MDGA1: variants seen among roughly 807,000 people sequenced by gnomAD.
MDGA1 encodes MAM domain containing glycosylphosphatidylinositol anchor 1.
A neutral mutation model predicts 101.5 loss-of-function variants in MDGA1; 54 were observed. The observed-to-expected ratio is 0.53, with a 90% confidence interval of 0.43 to 0.67. The LOEUF (loss-of-function observed/expected upper bound fraction) is 0.67, where lower values mean the gene tolerates loss of function less well. Ranked by LOEUF, MDGA1 falls within the 30% of genes least tolerant of loss-of-function variation. The probability of loss-of-function intolerance (pLI) is 0.00; values close to 1 mark genes in which losing one functional copy is unlikely to be tolerated. For missense variants in MDGA1, 1,083 were observed against 1,323.8 expected, an observed-to-expected ratio of 0.82 and a Z score of 2.82; for synonymous variants, 533 against 558.3, an observed-to-expected ratio of 0.95 and a Z score of 0.64.
intron 1 of MDGA1, among the ~76,000 whole-genome samples, chr6:37,690,032 C>T (rs1762276273): frequency 6.6e-6 from 1 of 152,228 alleles, no homozygotes; most frequent in South Asian, 2.1e-4. Context: ...CTTCAAGGCT[C>T]CAAATGATTG....
At chr6:37,664,840 A>AAG (rs773904439) in intron 1 of MDGA1, among the ~76,000 whole-genome samples, 3 of 53,130 alleles carry the variant, frequency 5.6e-5, no homozygotes, top group African/African-American at 8.1e-5. Flanking sequence ...AGCCTAACCT[A>AAG]AGACACACAC....
intron 1 of MDGA1, among the ~76,000 whole-genome samples, chr6:37,692,820 C>T (rs1182789522): frequency 6.6e-6 from 1 of 152,174 alleles, no homozygotes; most frequent in Non-Finnish European, 1.5e-5. Context: ...CCTGCCCACC[C>T]CCTCAAGGAT....
chr6:37,663,732 C>G (rs142033409), intron 2 of MDGA1, among the ~76,000 whole-genome samples: 3 of 152,150 alleles, frequency 2.0e-5, no homozygotes, highest in Non-Finnish European at 2.9e-5. Context: ...ATTGAACAAC[C>G]GGCATTCCAT....
chr6:37,696,714 A>G lies in MDGA1; in HGVS notation c.67+31T>C. The G allele has an allele frequency of 6.4e-7, 1 of 1,559,512 alleles. No individual in the cohort carries two copies. On this transcript the variant is annotated intron_variant, in intron 1 of 16. Transcript: ENST00000434837. This position sits in a 1 kb window ranked among gnomAD's most constrained non-coding sequence, Gnocchi z 5.6. ...CTTGCAAAGTTTCCGCGCGAGGTTA[A>G]GCCAAGGTGGAGCGGGACGCGGGCT...
intron 1 of MDGA1, among the ~76,000 whole-genome samples, chr6:37,690,251 C>T (rs915094911): frequency 5.9e-5 from 9 of 152,232 alleles, no homozygotes; most frequent in Admixed American, 2.6e-4. Flanking sequence ...CTCTCCAGCA[C>T]GGCCTCCTCC....
intron 1 of MDGA1, among the ~76,000 whole-genome samples, chr6:37,668,005 C>T (rs1046872006): frequency 1.3e-5 from 2 of 152,154 alleles, no homozygotes; most frequent in Non-Finnish European, 2.9e-5. Context: ...AATCCCAGCA[C>T]TTTGGGAGGC....
At chr6:37,645,492 T>G (rs1761169947) in intron 12 of MDGA1, among the ~76,000 whole-genome samples, 1 of 152,072 alleles carries the variant, frequency 6.6e-6, no homozygotes, top group Admixed American at 6.6e-5. Flanking sequence ...GCCGAGACTG[T>G]GCTACTACCC....
At position 37,666,394 on chromosome 6, in the gene MDGA1, T is replaced by G. The variant is rs537873827; in HGVS notation, c.68-2288A>C. 4.7e-5 allele frequency among the ~76,000 whole-genome samples: 7 copies of G among 147,688 alleles called. No homozygotes were observed. The East Asian group carries it at 5.9e-4, about 13-fold the overall frequency. ...AAAAAAGAAAAGAAAAAAAAAGAAA[T>G]AAAGTTGTCTTCTCTGAATTTATAA... On this transcript the variant is annotated intron_variant, in intron 1 of 16. Transcript: ENST00000434837.
intron 12 of MDGA1, 73 bp from the exon 13 acceptor site, chr6:37,644,722 C>T: frequency 2.9e-6 from 4 of 1,380,874 alleles, no homozygotes; most frequent in Non-Finnish European, 3.8e-6. Context: ...GCCCCTCTCA[C>T]CCCCCAGAGG....
chr6:37,697,040 C>T lies in MDGA1; in HGVS notation c.-229G>A, dbSNP rs1031209097. On this transcript the variant is annotated 5_prime_UTR_variant, in exon 1 of 17. Coordinates refer to ENST00000434837, the MANE Select transcript of MDGA1 (RefSeq NM_153487.4). ...GGGACGCAGGGGGCGCTGGCCCAGCCCCGGGTGCCTCGGCGCGCCCGGCAC... is the reference window on the plus strand; with the variant it reads ...GGGACGCAGGGGGCGCTGGCCCAGCTCCGGGTGCCTCGGCGCGCCCGGCAC... 1.6e-5 allele frequency: 7 copies of T among 438,708 alleles called. No individual in the cohort carries two copies. The Admixed American group carries it at 1.7e-4, about 11-fold the overall frequency. The allele number at this position is 438,708 out of a possible 1,614,324, so 27.2% of individuals were successfully genotyped here. A position where few individuals can be genotyped will look rare whatever the true frequency, so the allele number is the denominator to read the frequency against.
At chr6:37,644,727 C>G (rs947454864) in intron 12 of MDGA1, 78 bp from the exon 13 acceptor site, 32 of 1,365,470 alleles carry the variant, frequency 2.3e-5, no homozygotes, top group Non-Finnish European at 1.7e-5. Context: ...TCTCACCCCC[C>G]AGAGGCAGCT....
chr6:37,666,383 A>T (rs952797180), intron 1 of MDGA1, among the ~76,000 whole-genome samples: 11 of 151,976 alleles, frequency 7.2e-5, no homozygotes, highest in African/African-American at 2.7e-4. Context: ...AAGAAAAGAA[A>T]AAAAAAGAAA....
At chr6:37,678,408 T>G (rs893918248) in intron 1 of MDGA1, among the ~76,000 whole-genome samples, 1 of 152,114 alleles carries the variant, frequency 6.6e-6, no homozygotes, top group Admixed American at 6.5e-5. Flanking sequence ...AGCCTCCTGA[T>G]AGGTCTTCCC....
chr6:37,673,279 C>A (rs538686888), intron 1 of MDGA1, among the ~76,000 whole-genome samples: 11 of 152,228 alleles, frequency 7.2e-5, no homozygotes, highest in Non-Finnish European at 1.6e-4. Flanking sequence ...TGTGCAGCAT[C>A]CTCAGAAACC....
At position 37,634,933 on chromosome 6, in the gene MDGA1, A is replaced by G. The variant is rs1561835969; in HGVS notation, c.*2435T>C. The G allele has an allele frequency of 6.6e-6, 1 of 152,460 alleles. No homozygotes were observed. The highest frequency in any genetic ancestry group is 1.9e-4 in the East Asian group (1 of 5,188). 9.4% of individuals were successfully genotyped at this position (152,460 alleles called of 1,614,324 possible). A position where few individuals can be genotyped will look rare whatever the true frequency, so the allele number is the denominator to read the frequency against. ...TCGGAGCAGCCAGGGTTGCGGGGCA[A>G]ATGGATTGGAAGGTCCTCTGAGGGA... is the stretch of plus-strand genomic sequence containing the variant. On this transcript the variant is annotated 3_prime_UTR_variant, in exon 17 of 17. Transcript: ENST00000434837. This position sits in a 1 kb window ranked among gnomAD's most constrained non-coding sequence, Gnocchi z 4.7.
At chr6:37,646,401 T>A in intron 10 of MDGA1, 26 bp from the exon 11 acceptor site, 1 of 1,438,738 alleles carries the variant, frequency 7.0e-7, no homozygotes, top group Non-Finnish European at 9.2e-7. Context: ...AGTTCCCAGA[T>A]GCCTAGGAAG....
intron 3 of MDGA1, among the ~76,000 whole-genome samples, chr6:37,657,836 C>CA (rs1761526487): frequency 6.6e-6 from 1 of 152,120 alleles, no homozygotes; most frequent in Non-Finnish European, 1.5e-5. Flanking sequence ...AGGGAAATCT[C>CA]AGAGCTGCAG....
Position 37,635,461 on chromosome 6 carries a change from C to T in MDGA1, c.*1907G>A. ...TGTATGCTGAGAACCTGGAGCGACT[C>T]ATTTCAGACAGAGGCCTTGACTGGG... On this transcript the variant is annotated 3_prime_UTR_variant, in exon 17 of 17. Coordinates refer to ENST00000434837, the MANE Select transcript of MDGA1 (RefSeq NM_153487.4). The T allele has an allele frequency of 2.5e-6, 1 of 398,744 alleles. No individual in the cohort carries two copies. Among genetic ancestry groups the T allele is most frequent in the Non-Finnish European group, 4.4e-6 (1 of 226,144 alleles). The allele number at this position is 398,744 out of a possible 1,614,324, so 24.7% of individuals were successfully genotyped here. A position where few individuals can be genotyped will look rare whatever the true frequency, so the allele number is the denominator to read the frequency against.
chr6:37,685,809 T>C (rs1199904710), intron 1 of MDGA1, among the ~76,000 whole-genome samples: 1 of 152,070 alleles, frequency 6.6e-6, no homozygotes, highest in Non-Finnish European at 1.5e-5. Flanking sequence ...TCGCTGTCTT[T>C]CCTCAGGTCT....
Sources: gnomAD v4.1 joint callset for allele counts (sites outside exome capture counted in the v4.1 genomes callset) on GRCh38, gnomAD v4.1.1 for gene constraint, Gnocchi (gnomAD v3.1) non-coding constraint, MANE v1.5 for transcripts, NCBI Gene and HGNC (gene_info 2026-07-23, HGNC 2026-07-21) for gene names.